The following TFDP1 variants were observed in gnomAD, a reference collection of about 807,000 sequenced individuals.
The protein encoded by TFDP1 is DRTF1-polypeptide 1.
Under a neutral mutation model 48.0 loss-of-function variants are expected in TFDP1, and 6 were observed. The ratio of observed to expected loss-of-function variants is 0.13; its 90% CI spans 0.07 to 0.25. The LOEUF (loss-of-function observed/expected upper bound fraction) is 0.25, where lower values mean the gene tolerates loss of function less well. Among genes scored for constraint, TFDP1 ranks in the 10% least tolerant of loss-of-function variants. The pLI is 1.00. For synonymous variants in TFDP1, 201 were observed against 211.6 expected (o/e 0.95, Z 0.44); for missense variants, 335 against 543.0 (o/e 0.62, Z 3.81).
chr13:113,594,740 C>T (rs1433982587), intron 2 of TFDP1, among the ~76,000 whole-genome samples: 1 of 152,230 alleles, frequency 6.6e-6, no homozygotes, highest in Non-Finnish European at 1.5e-5. Context: ...GCGGGCTTTT[C>T]TGTCGCAGTT....
chr13:113,606,119 A>C (rs901126882), intron 2 of TFDP1, among the ~76,000 whole-genome samples: 7 of 137,416 alleles, frequency 5.1e-5, no homozygotes, highest in Non-Finnish European at 9.2e-5. Flanking sequence ...CGTGGTGGTG[A>C]GTGTCTGCAG....
chr13:113,622,661 C>T lies in TFDP1; in HGVS notation c.80-519C>T, dbSNP rs577015584. Among the ~76,000 whole-genome samples the T allele has an allele frequency of 1.8e-4, 28 of 152,324 alleles. No homozygotes were observed. In the East Asian group the frequency reaches 3.1e-3, roughly 17 times the overall value. On this transcript the variant is annotated intron_variant, in intron 3 of 11. Coordinates refer to ENST00000375370, the MANE Select transcript of TFDP1 (RefSeq NM_007111.5). ...TCACATCTCCTGCAGAGGGGTCTCC[C>T]GCTTGCTTCACCAGTGTTCTGAGGG... is the stretch of plus-strand genomic sequence containing the variant.
intron 2 of TFDP1, among the ~76,000 whole-genome samples, chr13:113,593,556 G>T (rs1252248231): frequency 5.5e-4 from 81 of 147,814 alleles, no homozygotes; most frequent in Non-Finnish European, 1.0e-3. Flanking sequence ...GGTGTGTGCG[G>T]GTCCTCAGCC....
chr13:113,636,780 C>T (rs888526322), intron 10 of TFDP1, 80 bp downstream of exon 10: 57 of 1,499,880 alleles, frequency 3.8e-5, no homozygotes, highest in South Asian at 1.5e-4. Flanking sequence ...CCTCCCGGCT[C>T]GGGATGTGTC....
At chr13:113,609,843 G>C (rs1364222032) in intron 2 of TFDP1, among the ~76,000 whole-genome samples, 1 of 152,192 alleles carries the variant, frequency 6.6e-6, no homozygotes, top group African/African-American at 2.4e-5. Flanking sequence ...CTGGGACCCT[G>C]GGTACTCAAG....
At chr13:113,616,796 AG>A (rs1323178477) in intron 3 of TFDP1, among the ~76,000 whole-genome samples, 1 of 152,106 alleles carries the variant, frequency 6.6e-6, no homozygotes, top group Non-Finnish European at 1.5e-5. Context: ...GCTGTTAGGA[AG>A]GGGGTTATAG....
intron 3 of TFDP1, among the ~76,000 whole-genome samples, chr13:113,611,635 T>C (rs4150734): frequency 0.49 from 74,371 of 151,810 alleles, 20,790 homozygotes; most frequent in African/African-American, 0.77. Context: ...CTCGGAGTGG[T>C]GCTGTGGTTT....
At chr13:113,588,872 G>T (rs2048070845) in intron 2 of TFDP1, among the ~76,000 whole-genome samples, 1 of 151,738 alleles carries the variant, frequency 6.6e-6, no homozygotes, top group South Asian at 2.1e-4. Flanking sequence ...AGAGAGTGGT[G>T]ATGGTGGTGT....
chr13:113,629,820 C>T (rs1452287440), intron 4 of TFDP1, among the ~76,000 whole-genome samples: 2 of 152,218 alleles, frequency 1.3e-5, no homozygotes, highest in Admixed American at 1.3e-4. Flanking sequence ...GCCTGGAGGA[C>T]AGCGGCACGG....
Position 113,633,064 on chromosome 13 carries a change from C to T in TFDP1, c.309-56C>T. 1 of 1,606,240 alleles carries T rather than the reference C, an allele frequency of 6.2e-7. No homozygotes were observed. The highest frequency in any genetic ancestry group is 8.5e-7 in the Non-Finnish European group (1 of 1,176,106). On this transcript the variant is annotated intron_variant, in intron 5 of 11. Transcript: ENST00000375370. This position sits in a 1 kb window ranked among gnomAD's most constrained non-coding sequence, Gnocchi z 4.5. Reference sequence around the variant, plus strand: ...TCTCAGGTAAAAGCATTCCTCGATTCAGGCTGATCCTCAGGAGGGCTGACA... The same window carrying T: ...TCTCAGGTAAAAGCATTCCTCGATTTAGGCTGATCCTCAGGAGGGCTGACA...
intron 2 of TFDP1, among the ~76,000 whole-genome samples, chr13:113,588,463 G>A (rs116376308): frequency 6.6e-6 from 1 of 152,234 alleles, no homozygotes; most frequent in Non-Finnish European, 1.5e-5. Flanking sequence ...GAGACAAGCG[G>A]GTGGGAAAAG....
chr13:113,638,893 A>G (rs572543682), intron 11 of TFDP1, among the ~76,000 whole-genome samples: 3 of 152,238 alleles, frequency 2.0e-5, no homozygotes, highest in Non-Finnish European at 4.4e-5. Flanking sequence ...ACAAGAACTC[A>G]GTAACCTATG....
chr13:113,639,396 G>C (rs2049585420), intron 11 of TFDP1, among the ~76,000 whole-genome samples: 1 of 152,130 alleles, frequency 6.6e-6, no homozygotes, highest in African/African-American at 2.4e-5. Context: ...TTTTATACAA[G>C]TACCTCATGA....
intron 1 of TFDP1, chr13:113,585,550 C>T (rs1220951606): frequency 4.4e-5 from 14 of 321,486 alleles, no homozygotes; most frequent in East Asian, 2.1e-4. Context: ...TGGTGGTGAC[C>T]CTGCGGGCCC....
chr13:113,593,309 G>C (rs1385896807), intron 2 of TFDP1, among the ~76,000 whole-genome samples: 11 of 143,070 alleles, frequency 7.7e-5, no homozygotes, highest in Non-Finnish European at 1.4e-4. Context: ...GGTGACAGGT[G>C]TGGTGTGCGC....
intron 2 of TFDP1, among the ~76,000 whole-genome samples, chr13:113,600,794 C>T (rs2042085770): frequency 6.9e-6 from 1 of 145,256 alleles, no homozygotes; most frequent in South Asian, 2.1e-4. Flanking sequence ...AGAGAGAATC[C>T]TTGCACGTAG....
chr13:113,606,703 G>A (rs2048579470), intron 2 of TFDP1, among the ~76,000 whole-genome samples: 1 of 152,198 alleles, frequency 6.6e-6, no homozygotes, highest in Admixed American at 6.5e-5. Flanking sequence ...CAGATGATCT[G>A]TAAACAGAGG....
At position 113,623,297 on chromosome 13, in the gene TFDP1, C is replaced by A; in HGVS notation, c.186+11C>A. Reference sequence around the variant, plus strand: ...ATTGCCCAGCAAGTGGTAAGCCTCCCGCAGGAGCGGACAGCCGGGATCTCG... The same window carrying A: ...ATTGCCCAGCAAGTGGTAAGCCTCCAGCAGGAGCGGACAGCCGGGATCTCG... On this transcript the variant is annotated intron_variant, in intron 4 of 11. Coordinates refer to ENST00000375370, the MANE Select transcript of TFDP1 (RefSeq NM_007111.5). The surrounding 1 kb of genome is among the most constrained non-coding windows in gnomAD (Gnocchi z 5.2). 1 of 1,601,264 alleles carries A rather than the reference C, an allele frequency of 6.2e-7. No homozygotes were observed. Among genetic ancestry groups the A allele is most frequent in the East Asian group, 2.3e-5 (1 of 43,926 alleles).
chr13:113,633,740 A>T lies in TFDP1; in HGVS notation c.475-150A>T. On this transcript the variant is annotated intron_variant, in intron 6 of 11. Coordinates refer to ENST00000375370, the MANE Select transcript of TFDP1 (RefSeq NM_007111.5). This position sits in a 1 kb window ranked among gnomAD's most constrained non-coding sequence, Gnocchi z 4.5. ...GCACAGCCCCGTCTTGCCCTGCGTC[A>T]TCTGTGGGGTGGGAGCGCTCCCTGA... 1.1e-6 allele frequency: 1 copy of T among 890,338 alleles called. No individual in the cohort carries two copies. Among genetic ancestry groups the T allele is most frequent in the Non-Finnish European group, 1.7e-6 (1 of 580,044 alleles). The allele number at this position is 890,338 out of a possible 1,614,324, so 55.2% of individuals were successfully genotyped here. A position where few individuals can be genotyped will look rare whatever the true frequency, so the allele number is the denominator to read the frequency against.
Sources: gnomAD v4.1 joint callset for allele counts (sites outside exome capture counted in the v4.1 genomes callset) on GRCh38, gnomAD v4.1.1 for gene constraint, Gnocchi (gnomAD v3.1) non-coding constraint, MANE v1.5 for transcripts, NCBI Gene and HGNC (gene_info 2026-07-23, HGNC 2026-07-21) for gene names.